The following LIPC variants were observed in gnomAD, a reference collection of about 807,000 sequenced individuals.
The protein encoded by LIPC is hepatic triacylglycerol lipase.
In LIPC, 44 loss-of-function variants were observed where a neutral mutation model predicts 50.7. The observed-to-expected ratio is 0.87, with a 90% confidence interval of 0.68 to 1.11. The LOEUF (loss-of-function observed/expected upper bound fraction) is 1.11. Among genes scored for constraint, LIPC ranks in the 50% most tolerant of loss-of-function variants. The pLI is 0.00. For synonymous variants in LIPC, 271 were observed against 256.4 expected (o/e 1.06, Z -0.54); for missense variants, 697 against 648.2 (o/e 1.08, Z -0.82).
intron 6 of LIPC, among the ~76,000 whole-genome samples, chr15:58,556,987 T>C (rs1893975323): frequency 6.6e-6 from 1 of 152,260 alleles, no homozygotes; most frequent in African/African-American, 2.4e-5. Flanking sequence ...TGTTATTAGT[T>C]CATAGCCATC....
chr15:58,548,719 G>A (rs1893635128), intron 6 of LIPC, 147 bp downstream of exon 6: 18 of 1,136,050 alleles, frequency 1.6e-5, no homozygotes, highest in Admixed American at 2.0e-5. Flanking sequence ...AGACAGCAAC[G>A]TTGACACAGC....
At chr15:58,481,843 G>C (rs1254461130) in intron 1 of LIPC, among the ~76,000 whole-genome samples, 1 of 152,106 alleles carries the variant, frequency 6.6e-6, no homozygotes, top group East Asian at 1.9e-4. Context: ...TACTTGTGTA[G>C]AATATTCTCC....
chr15:58,480,313 G>A lies in LIPC; in HGVS notation c.88+48193G>A, dbSNP rs373994538. Among the ~76,000 whole-genome samples the A allele has an allele frequency of 1.3e-4, 20 of 151,988 alleles. No individual in the cohort carries two copies. The South Asian group carries it at 3.5e-3, about 27-fold the overall frequency. The stretch of plus-strand genomic sequence containing the variant: ...TCATTTTATGTATTTATTTATTTTC[G>A]AAATGGAGTCTCGCTTTGTCACCCA... On this transcript the variant is annotated intron_variant, in intron 1 of 8. Transcript: ENST00000299022.
chr15:58,565,160 C>G lies in LIPC; in HGVS notation c.1388+1437C>G, dbSNP rs754003242. 89 of 1,530,356 alleles carry G rather than the reference C, an allele frequency of 5.8e-5. 1 individual carries two copies. The highest frequency in any genetic ancestry group is 5.5e-5 in the Non-Finnish European group (63 of 1,142,080). The allele number at this position is 1,530,356 out of a possible 1,614,324, so 94.8% of individuals were successfully genotyped here. ...AATCCTGGCAATTACTGAGAGCATA[C>G]TCTGCCGTCTGCCAACAGATCTCCC... On this transcript the variant is annotated intron_variant, in intron 8 of 8. Transcript: ENST00000299022.
At chr15:58,514,420 T>C (rs2140863296) in intron 1 of LIPC, among the ~76,000 whole-genome samples, 1 of 152,390 alleles carries the variant, frequency 6.6e-6, no homozygotes, top group South Asian at 2.1e-4. Context: ...AATAGGATTA[T>C]GCACTATTTC....
chr15:58,546,506 C>A (rs1480383362), intron 5 of LIPC, among the ~76,000 whole-genome samples: 1 of 152,172 alleles, frequency 6.6e-6, no homozygotes, highest in Non-Finnish European at 1.5e-5. Context: ...CCTTGTTATG[C>A]CCTTTACCTC....
At chr15:58,547,099 C>T (rs2242065) in intron 5 of LIPC, among the ~76,000 whole-genome samples, 12,629 of 152,210 alleles carry the variant, frequency 0.083, 755 homozygotes, top group East Asian at 0.35. Context: ...TCTGACCAAT[C>T]ATTACCATTT....
chr15:58,491,488 T>G (rs553738857), intron 1 of LIPC, among the ~76,000 whole-genome samples: 1 of 152,256 alleles, frequency 6.6e-6, no homozygotes, highest in East Asian at 1.9e-4. Context: ...CTTAAAACAA[T>G]AAGAGGTGCT....
rs947647174 is a variant in LIPC at position 58,497,806 on chromosome 15, G to T, written c.89-40527G>T. 4 of 152,264 alleles carry T rather than the reference G, an allele frequency of 2.6e-5. No homozygotes were observed. The East Asian group carries it at 7.7e-4, about 29-fold the overall frequency. 9.4% of individuals were successfully genotyped at this position (152,264 alleles called of 1,614,324 possible). A position where few individuals can be genotyped will look rare whatever the true frequency, so the allele number is the denominator to read the frequency against. ...GTCTTTGTTGTGCGACCACCTTCAG[G>T]GTCCTCCCTTGGGCTCAGCAGTGAG... is the stretch of plus-strand genomic sequence containing the variant. On this transcript the variant is annotated intron_variant, in intron 1 of 8. Transcript: ENST00000299022.
chr15:58,470,631 G>A (rs569267994), intron 1 of LIPC, among the ~76,000 whole-genome samples: 7 of 138,046 alleles, frequency 5.1e-5, no homozygotes, highest in Admixed American at 1.6e-4. Flanking sequence ...ACGAAATCTC[G>A]CTCTGTCACC....
chr15:58,541,693 C>T, intron 2 of LIPC, 92 bp from the exon 3 acceptor site: 1 of 1,326,332 alleles, frequency 7.5e-7, no homozygotes, highest in South Asian at 1.3e-5. Flanking sequence ...ATAGCAAGCC[C>T]TTCCTCCAGC....
rs574312102 is a variant in LIPC, at chr15:58,458,287, G to T, written c.88+26167G>T. Among the ~76,000 whole-genome samples, 9 of 152,280 alleles carry T rather than the reference G, an allele frequency of 5.9e-5. No individual in the cohort carries two copies. In the Middle Eastern group the frequency reaches 0.014, roughly 230 times the overall value. On this transcript the variant is annotated intron_variant, in intron 1 of 8. Transcript: ENST00000299022. Reference sequence around the variant, plus strand: ...ATGTGAAGTTCACAGACTGAACTTTGAAGTTTAGCAATGGACTTCCCCTGA... The same window carrying T: ...ATGTGAAGTTCACAGACTGAACTTTTAAGTTTAGCAATGGACTTCCCCTGA...
chr15:58,497,360 G>A (rs912708534), intron 1 of LIPC, among the ~76,000 whole-genome samples: 1 of 152,166 alleles, frequency 6.6e-6, no homozygotes, highest in Non-Finnish European at 1.5e-5. Context: ...GGGGAAGTGG[G>A]GGAAGTCAGG....
intron 1 of LIPC, among the ~76,000 whole-genome samples, chr15:58,515,010 C>G (rs1892441872): frequency 6.6e-6 from 1 of 152,124 alleles, no homozygotes; most frequent in Non-Finnish European, 1.5e-5. Context: ...GTTTCCTCAC[C>G]TTTTTCAGCT....
chr15:58,501,428 GT>G (rs1206548722), intron 1 of LIPC, among the ~76,000 whole-genome samples: 1 of 100,670 alleles, frequency 9.9e-6, no homozygotes, highest in Non-Finnish European at 2.1e-5. Flanking sequence ...GTATTTTTTT[GT>G]TGATGACAGA....
intron 1 of LIPC, among the ~76,000 whole-genome samples, chr15:58,434,067 A>AT (rs1349785345): frequency 6.6e-6 from 1 of 151,944 alleles, no homozygotes; most frequent in African/African-American, 2.4e-5. Flanking sequence ...GTCTGGAGAC[A>AT]TTTTTGGTTT....
chr15:58,506,915 C>A (rs1892168969), intron 1 of LIPC, among the ~76,000 whole-genome samples: 1 of 152,238 alleles, frequency 6.6e-6, no homozygotes, highest in South Asian at 2.1e-4. Context: ...AGGAAACTTA[C>A]AATCATTGCA....
At chr15:58,537,113 G>A (rs1202679838) in intron 1 of LIPC, among the ~76,000 whole-genome samples, 3 of 152,232 alleles carry the variant, frequency 2.0e-5, no homozygotes, top group African/African-American at 7.2e-5. Context: ...AGGAAGGGAT[G>A]AGAGCTTCCT....
At chr15:58,465,294 G>T (rs1221723778) in intron 1 of LIPC, among the ~76,000 whole-genome samples, 3 of 152,120 alleles carry the variant, frequency 2.0e-5, no homozygotes, top group Non-Finnish European at 4.4e-5. Context: ...ATTGATTGAT[G>T]GATATTTACT....
Sources: gnomAD v4.1 joint callset for allele counts (sites outside exome capture counted in the v4.1 genomes callset) on GRCh38, gnomAD v4.1.1 for gene constraint, MANE v1.5 for transcripts, NCBI Gene and HGNC (gene_info 2026-07-23, HGNC 2026-07-21) for gene names.